Variants in ERCC8 observed in about 807,000 individuals in gnomAD.
The protein encoded by ERCC8 is ERCC excision repair 8, CSA ubiquitin ligase complex subunit.
Under a neutral mutation model 54.9 loss-of-function variants are expected in ERCC8, and 52 were observed. That is an observed-to-expected ratio of 0.95 (90% CI 0.76 to 1.19). ERCC8 has a LOEUF of 1.19. ERCC8 is among the 50% of genes most tolerant of loss of function. The pLI, the probability that ERCC8 is intolerant of heterozygous loss-of-function variation, is 0.00. For missense variants in ERCC8, 514 were observed against 466.1 expected (o/e 1.10, Z -0.95); for synonymous variants, 146 against 157.2 (o/e 0.93, Z 0.53).
intron 4 of ERCC8, among the ~76,000 whole-genome samples, chr5:60,911,102 T>C (rs1749245414): frequency 6.6e-6 from 1 of 152,192 alleles, no homozygotes; most frequent in Non-Finnish European, 1.5e-5. Context: ...AGGGTACATG[T>C]GACAACGTGC....
In ERCC8 at chr5:60,922,146, T is replaced by A. The variant is rs2112523057; in HGVS notation, c.183A>T (p.Ser61=). 6.3e-7 allele frequency: 1 copy of A among 1,598,504 alleles called. No homozygotes were observed. Among genetic ancestry groups the A allele is most frequent in the Non-Finnish European group, 8.6e-7 (1 of 1,167,192 alleles). ...GTACAATCACACCATCTGAACCACC[T>A]GATAACATGCTGATAATAAAAAAGT... ...IEPVEGRYML[S]GGSDGVIVLY... is the part of the protein sequence containing the mutation. The change falls in exon 3 of 12, where the codon TCA becomes TCT. Residue 61 remains serine (S), a synonymous_variant. Coordinates refer to ENST00000676185, the MANE Select transcript of ERCC8 (RefSeq NM_000082.4).
intron 4 of ERCC8, among the ~76,000 whole-genome samples, chr5:60,910,881 T>C (rs1749237516): frequency 6.6e-6 from 1 of 152,112 alleles, no homozygotes; most frequent in African/African-American, 2.4e-5. Flanking sequence ...TTGCACTGAC[T>C]AGGACATTCA....
At chr5:60,875,689 C>A (rs1433314040) in intron 11 of ERCC8, among the ~76,000 whole-genome samples, 1 of 151,852 alleles carries the variant, frequency 6.6e-6, no homozygotes, top group Non-Finnish European at 1.5e-5. Context: ...CCTTTTATAA[C>A]TTAGAGAAAT....
chr5:60,916,200 A>G (rs1749429931), intron 4 of ERCC8, among the ~76,000 whole-genome samples: 1 of 151,968 alleles, frequency 6.6e-6, no homozygotes, highest in Non-Finnish European at 1.5e-5. Context: ...TCTTTCTGTG[A>G]TCTTGACCCT....
chr5:60,945,004 AG>A lies in ERCC8; in HGVS notation c.4del (p.Leu2TrpfsTer31). ...CGTTTGGCGTGCGGACAAAAACCCC[AG>A]CATATCGTGTCCTCACACCGGCTGG... Reference protein sequence around the residue: MLGFLSARQTGL... With the variant: MXGFLSARQTGL... On this transcript the variant is annotated frameshift_variant, in exon 1 of 12. Coordinates refer to ENST00000676185, the MANE Select transcript of ERCC8 (RefSeq NM_000082.4). LOFTEE classifies it high-confidence loss of function. The A allele has an allele frequency of 1.9e-6, 3 of 1,613,876 alleles. No homozygotes were observed. Among genetic ancestry groups the A allele is most frequent in the Non-Finnish European group, 2.5e-6 (3 of 1,179,786 alleles).
At chr5:60,938,036 CATACATACATACATATATAT>C (rs1305918468) in intron 1 of ERCC8, among the ~76,000 whole-genome samples, 3 of 15,014 alleles carry the variant, frequency 2.0e-4, no homozygotes, top group Admixed American at 1.0e-3. Context: ...TACATACATA[CATACATACATACATATATAT>C]ATATATATAT....
intron 3 of ERCC8, chr5:60,919,553 A>G (rs1335848301): frequency 6.6e-6 from 1 of 152,038 alleles, no homozygotes; most frequent in Non-Finnish European, 1.5e-5. Context: ...AGCTGCAAAA[A>G]TACAAGAACT....
At position 60,871,891 on chromosome 5, in the gene ERCC8, T is replaced by C. The variant is rs954605829; in HGVS notation, c.*2724A>G. 6.6e-6 allele frequency among the ~76,000 whole-genome samples: 1 copy of C among 152,120 alleles called. No homozygotes were observed. Among genetic ancestry groups the C allele is most frequent in the Non-Finnish European group, 1.5e-5 (1 of 68,014 alleles). On this transcript the variant is annotated 3_prime_UTR_variant, in exon 12 of 12. Transcript: ENST00000676185. ...TCTTGGCTCAATGCAGCCGTGACTT[T>C]ACAGGTTCAAGTGATTCCCCAGCCT...
intron 2 of ERCC8, among the ~76,000 whole-genome samples, chr5:60,927,249 C>G (rs1749774824): frequency 6.6e-6 from 1 of 152,166 alleles, no homozygotes; most frequent in Admixed American, 6.5e-5. Flanking sequence ...TTCAGTGACA[C>G]CTTTACAGCT....
intron 4 of ERCC8, among the ~76,000 whole-genome samples, chr5:60,914,790 A>T (rs1332457327): frequency 1.1e-4 from 3 of 27,876 alleles, no homozygotes; most frequent in African/African-American, 1.2e-4. Flanking sequence ...CTTGTCTCTT[A>T]AAAAAAAAAA....
intron 1 of ERCC8, among the ~76,000 whole-genome samples, chr5:60,933,587 T>C (rs1407633323): frequency 6.6e-6 from 1 of 152,212 alleles, no homozygotes; most frequent in Non-Finnish European, 1.5e-5. Flanking sequence ...GAATTTTTTA[T>C]TTATCAATAG....
At chr5:60,902,138 G>A (rs142788898) in intron 7 of ERCC8, among the ~76,000 whole-genome samples, 2 of 152,012 alleles carry the variant, frequency 1.3e-5, no homozygotes, top group African/African-American at 4.8e-5. Flanking sequence ...CCAGGTTAAA[G>A]ATAATGAATA....
chr5:60,874,783 A>G, intron 11 of ERCC8, 100 bp from the exon 12 acceptor site: 1 of 929,958 alleles, frequency 1.1e-6, no homozygotes, highest in South Asian at 1.6e-5. Context: ...ATAAATAGCA[A>G]TTACATTATT....
In ERCC8 at chr5:60,944,826, G is replaced by C. The variant is rs956195083; in HGVS notation, c.77+106C>G. The C allele has an allele frequency of 2.1e-5, 18 of 840,774 alleles. No homozygotes were observed. The South Asian group carries it at 2.4e-4, about 11-fold the overall frequency. The allele number at this position is 840,774 out of a possible 1,614,324, so 52.1% of individuals were successfully genotyped here. ...ACACAGCATTAGAGGGCAAATAATAGTTTGGTGGCAGGAGAGCGATGAGAC... is the reference window on the plus strand; with the variant it reads ...ACACAGCATTAGAGGGCAAATAATACTTTGGTGGCAGGAGAGCGATGAGAC... On this transcript the variant is annotated intron_variant, in intron 1 of 11. Transcript: ENST00000676185.
chr5:60,922,922 A>G (rs1186082817), intron 2 of ERCC8, among the ~76,000 whole-genome samples: 2 of 152,142 alleles, frequency 1.3e-5, no homozygotes, highest in African/African-American at 4.8e-5. Flanking sequence ...ATTCAGGAGC[A>G]GTTTCCCTGA....
intron 1 of ERCC8, among the ~76,000 whole-genome samples, chr5:60,936,823 G>A (rs1271778933): frequency 6.6e-6 from 1 of 152,192 alleles, no homozygotes; most frequent in Non-Finnish European, 1.5e-5. Flanking sequence ...CCTAAGGTGT[G>A]TGATCCTTTG....
chr5:60,879,057 T>C (rs552430652), intron 11 of ERCC8, among the ~76,000 whole-genome samples: 1 of 152,348 alleles, frequency 6.6e-6, no homozygotes, highest in South Asian at 2.1e-4. Context: ...TCAGAGATTC[T>C]GGTATGTTGT....
chr5:60,939,678 T>C (rs959984212), intron 1 of ERCC8, among the ~76,000 whole-genome samples: 3 of 152,060 alleles, frequency 2.0e-5, no homozygotes, highest in East Asian at 1.9e-4. Context: ...GGATTTTTAG[T>C]AGAGATGGGG....
chr5:60,916,302 T>G (rs138338069), intron 4 of ERCC8, among the ~76,000 whole-genome samples: 2 of 152,184 alleles, frequency 1.3e-5, no homozygotes, highest in African/African-American at 4.8e-5. Context: ...TATCTGCCTC[T>G]TAGAAGCTAT....
Sources: gnomAD v4.1 joint callset for allele counts (sites outside exome capture counted in the v4.1 genomes callset) on GRCh38, gnomAD v4.1.1 for gene constraint, MANE v1.5 for transcripts, NCBI Gene and HGNC (gene_info 2026-07-23, HGNC 2026-07-21) for gene names.